GPC5: variants seen among roughly 807,000 people sequenced by gnomAD.
GPC5 encodes the protein glypican-5.
Under a neutral mutation model 53.9 loss-of-function variants are expected in GPC5, and 47 were observed. That is an observed-to-expected ratio of 0.87 (90% CI 0.69 to 1.11). GPC5 has a LOEUF of 1.11. Among genes scored for constraint, GPC5 ranks in the 50% most tolerant of loss-of-function variants. The probability of loss-of-function intolerance (pLI) is 0.00; values close to 1 mark genes in which losing one functional copy is unlikely to be tolerated. For missense variants in GPC5, 748 were observed against 713.1 expected (o/e 1.05, Z -0.56); for synonymous variants, 286 against 263.3 (o/e 1.09, Z -0.84).
intron 2 of GPC5, among the ~76,000 whole-genome samples, chr13:91,660,993 C>G (rs1463534507): frequency 6.6e-6 from 1 of 152,144 alleles, no homozygotes; most frequent in East Asian, 1.9e-4. Flanking sequence ...AGCTTACATT[C>G]TTTTGAGAAA....
chr13:91,619,041 G>A (rs2033779899), intron 2 of GPC5, among the ~76,000 whole-genome samples: 1 of 151,936 alleles, frequency 6.6e-6, no homozygotes, highest in Admixed American at 6.6e-5. Context: ...TCCTAGTAGA[G>A]TTTTTGTTAC....
At position 92,527,249 on chromosome 13, in the gene GPC5, G is replaced by GAAAGAAAGAAAGAAAGAA. The variant is rs1281380893; in HGVS notation, c.1562-339032_1562-339031insAAGAAAGAAAGAAAGAAA. Among the ~76,000 whole-genome samples, 8 of 32,718 alleles carry GAAAGAAAGAAAGAAAGAA rather than the reference G, an allele frequency of 2.4e-4. 1 individual carries two copies. The highest frequency in any genetic ancestry group is 1.3e-3 in the South Asian group (1 of 772). 21.5% of individuals were successfully genotyped at this position (32,718 alleles called of 152,430 possible). ...AGAAAGAAAGAAAGAAAGAAAGAAA[G>GAAAGAAAGAAAGAAAGAA]AGAAAGAAAGAAAGAAAGAAAGAAA... On this transcript the variant is annotated intron_variant, in intron 7 of 7. Transcript: ENST00000377067.
chr13:92,206,040 C>G (rs1372414117), intron 7 of GPC5, among the ~76,000 whole-genome samples: 2 of 55,800 alleles, frequency 3.6e-5, no homozygotes, highest in Non-Finnish European at 6.0e-5. Flanking sequence ...AAGACTCCAT[C>G]TCAAAAAAAA....
At chr13:92,290,818 A>G (rs896593356) in intron 7 of GPC5, among the ~76,000 whole-genome samples, 5 of 152,152 alleles carry the variant, frequency 3.3e-5, no homozygotes, top group Non-Finnish European at 2.9e-5. Flanking sequence ...CCGCTGCTGC[A>G]CTGTGAGAGC....
chr13:91,703,073 T>C (rs952641191), intron 3 of GPC5, among the ~76,000 whole-genome samples: 12 of 152,142 alleles, frequency 7.9e-5, no homozygotes, highest in Admixed American at 7.2e-4. Flanking sequence ...TTATTACCTT[T>C]TCTTGGAGTA....
intron 7 of GPC5, among the ~76,000 whole-genome samples, chr13:92,662,536 T>C (rs1233364358): frequency 2.6e-4 from 40 of 152,182 alleles, no homozygotes; most frequent in Admixed American, 2.6e-3. Context: ...CCAAGTTGCA[T>C]AATTTGTCAC....
At chr13:92,864,268 T>C (rs776052744) in intron 7 of GPC5, among the ~76,000 whole-genome samples, 1 of 152,064 alleles carries the variant, frequency 6.6e-6, no homozygotes, top group East Asian at 1.9e-4. Context: ...GTTACATTTA[T>C]TTATTAGTAA....
At chr13:92,752,841 G>C (rs1033801779) in intron 7 of GPC5, among the ~76,000 whole-genome samples, 5 of 152,144 alleles carry the variant, frequency 3.3e-5, no homozygotes, top group African/African-American at 1.2e-4. Flanking sequence ...AGGGACCTAC[G>C]CCCAGGGAGT....
chr13:92,274,805 A>G (rs2042864098), intron 7 of GPC5, among the ~76,000 whole-genome samples: 1 of 152,186 alleles, frequency 6.6e-6, no homozygotes. Context: ...AATCTTATGC[A>G]GTATAATCAT....
intron 7 of GPC5, among the ~76,000 whole-genome samples, chr13:92,148,117 A>T (rs115144873): frequency 2.6e-5 from 4 of 152,100 alleles, no homozygotes; most frequent in Non-Finnish European, 5.9e-5. Flanking sequence ...TACCATAAAA[A>T]GTCTGACTAA....
intron 2 of GPC5, among the ~76,000 whole-genome samples, chr13:91,617,988 C>T (rs1407221244): frequency 6.6e-6 from 1 of 152,100 alleles, no homozygotes; most frequent in Non-Finnish European, 1.5e-5. Flanking sequence ...CCTCCTTCTT[C>T]TATTTTTGCT....
intron 2 of GPC5, among the ~76,000 whole-genome samples, chr13:91,552,661 C>A (rs1003340665): frequency 1.3e-5 from 2 of 152,088 alleles, no homozygotes; most frequent in African/African-American, 4.8e-5. Flanking sequence ...AGGCACAGAT[C>A]GCTCATGCTA....
At chr13:91,403,733 G>T (rs1303308852) in intron 1 of GPC5, among the ~76,000 whole-genome samples, 5 of 152,162 alleles carry the variant, frequency 3.3e-5, no homozygotes, top group Non-Finnish European at 7.3e-5. Flanking sequence ...ATGTCTAAGA[G>T]AATCACGTGT....
In GPC5 at chr13:92,290,333, AT is replaced by A. The variant is rs1171261780; in HGVS notation, c.1561+145347del. Among the ~76,000 whole-genome samples the A allele has an allele frequency of 2.0e-5, 3 of 152,018 alleles. No individual in the cohort carries two copies. The East Asian group carries it at 5.8e-4, about 29-fold the overall frequency. On this transcript the variant is annotated intron_variant, in intron 7 of 7. Coordinates refer to ENST00000377067, the MANE Select transcript of GPC5 (RefSeq NM_004466.6). ...GGAAGTGGATTTGACTTATATTTTTATTTATTTATTTAATTTCCATAGGTTA... is the reference window on the plus strand; with the variant it reads ...GGAAGTGGATTTGACTTATATTTTTATTATTTATTTAATTTCCATAGGTTA...
intron 7 of GPC5, among the ~76,000 whole-genome samples, chr13:92,588,639 T>G (rs181325934): frequency 2.2e-4 from 34 of 152,352 alleles, no homozygotes; most frequent in Admixed American, 5.9e-4. Flanking sequence ...GTCCTTTCTA[T>G]GTGTCTGTTC....
chr13:92,623,575 A>G (rs1023702486), intron 7 of GPC5, among the ~76,000 whole-genome samples: 1 of 152,236 alleles, frequency 6.6e-6, no homozygotes, highest in Non-Finnish European at 1.5e-5. Flanking sequence ...CAATTCTTGA[A>G]TCAAAGTTTC....
At chr13:92,195,491 T>C (rs757076705) in intron 7 of GPC5, among the ~76,000 whole-genome samples, 6 of 152,178 alleles carry the variant, frequency 3.9e-5, no homozygotes, top group Non-Finnish European at 7.3e-5. Flanking sequence ...TATTTGAATC[T>C]CAGATTCAAA....
intron 6 of GPC5, among the ~76,000 whole-genome samples, chr13:92,020,108 G>A (rs1365066267): frequency 6.6e-6 from 1 of 151,948 alleles, no homozygotes; most frequent in Non-Finnish European, 1.5e-5. Context: ...TTCAAAACCA[G>A]CAACATTGCA....
chr13:92,801,386 G>A (rs1876902251), intron 7 of GPC5, among the ~76,000 whole-genome samples: 1 of 151,718 alleles, frequency 6.6e-6, no homozygotes. Context: ...ATGTGTTTGT[G>A]GCGATGCTGG....
Sources: gnomAD v4.1 joint callset for allele counts (sites outside exome capture counted in the v4.1 genomes callset) on GRCh38, gnomAD v4.1.1 for gene constraint, MANE v1.5 for transcripts, NCBI Gene and HGNC (gene_info 2026-07-23, HGNC 2026-07-21) for gene names.